ELAPOR2: variants seen among roughly 807,000 people sequenced by gnomAD.
The protein encoded by ELAPOR2 is endosome/lysosome-associated apoptosis and autophagy regulator family member 2.
In ELAPOR2, 89 loss-of-function variants were observed where a neutral mutation model predicts 120.7. The observed-to-expected ratio is 0.74, with a 90% CI of 0.62 to 0.88. The LOEUF is 0.88. ELAPOR2 is among the 40% of genes least tolerant of loss of function. The pLI is 0.00. For missense variants in ELAPOR2, 1,134 were observed against 1,251.6 expected (o/e 0.91, Z 1.42); for synonymous variants, 444 against 444.9 (o/e 1.00, Z 0.03).
At chr7:86,981,389 A>T (rs978223552) in intron 1 of ELAPOR2, among the ~76,000 whole-genome samples, 21 of 152,144 alleles carry the variant, frequency 1.4e-4, no homozygotes, top group Non-Finnish European at 2.8e-4. Flanking sequence ...CACTTCAACT[A>T]ACTGTGATCT....
chr7:86,957,289 T>C (rs776060483), intron 2 of ELAPOR2, among the ~76,000 whole-genome samples: 12 of 152,244 alleles, frequency 7.9e-5, no homozygotes, highest in Non-Finnish European at 1.6e-4. Flanking sequence ...TGTCAATTTG[T>C]CCCTTTATGT....
chr7:87,018,952 T>C (rs1185637070), intron 1 of ELAPOR2, among the ~76,000 whole-genome samples: 1 of 152,128 alleles, frequency 6.6e-6, no homozygotes, highest in Admixed American at 6.5e-5. Flanking sequence ...TTATCAAACA[T>C]ATACACCAAT....
chr7:87,005,084 T>G (rs1793430071), intron 1 of ELAPOR2, among the ~76,000 whole-genome samples: 1 of 152,026 alleles, frequency 6.6e-6, no homozygotes, highest in Non-Finnish European at 1.5e-5. Flanking sequence ...GTCTATGTGC[T>G]AAAAGGTCAG....
chr7:87,011,772 T>C (rs1793688370), intron 1 of ELAPOR2, among the ~76,000 whole-genome samples: 1 of 152,154 alleles, frequency 6.6e-6, no homozygotes, highest in Admixed American at 6.5e-5. Context: ...AAGGTATATT[T>C]ATAGGAGGGG....
chr7:86,913,550 T>G (rs564492108), intron 13 of ELAPOR2, among the ~76,000 whole-genome samples: 5 of 152,318 alleles, frequency 3.3e-5, no homozygotes, highest in Admixed American at 1.3e-4. Flanking sequence ...TCATCATTTA[T>G]TCACATCTTA....
At chr7:87,013,801 T>G (rs1165183506) in intron 1 of ELAPOR2, among the ~76,000 whole-genome samples, 1 of 152,168 alleles carries the variant, frequency 6.6e-6, no homozygotes, top group Non-Finnish European at 1.5e-5. Context: ...TTATTGGTGA[T>G]TCCATATTTG....
At chr7:86,892,825 G>C (rs1445366193) in intron 20 of ELAPOR2, 97 bp downstream of exon 20, 7 of 1,129,550 alleles carry the variant, frequency 6.2e-6, no homozygotes, top group Non-Finnish European at 8.2e-6. Flanking sequence ...TTGTGTCTCT[G>C]AGAGAATCTA....
intron 1 of ELAPOR2, among the ~76,000 whole-genome samples, chr7:86,978,598 C>A (rs1008765588): frequency 6.6e-6 from 1 of 152,152 alleles, no homozygotes; most frequent in African/African-American, 2.4e-5. Context: ...TTCAAGCAGG[C>A]AGATTGTTTA....
intron 2 of ELAPOR2, among the ~76,000 whole-genome samples, chr7:86,959,269 G>A (rs1416494235): frequency 6.6e-6 from 1 of 152,144 alleles, no homozygotes; most frequent in Non-Finnish European, 1.5e-5. Context: ...TCTGCAAACG[G>A]AAATAATTTT....
intron 1 of ELAPOR2, among the ~76,000 whole-genome samples, chr7:87,021,148 CCCAGCCAG>C (rs1794027831): frequency 6.6e-6 from 1 of 152,044 alleles, no homozygotes; most frequent in Non-Finnish European, 1.5e-5. Flanking sequence ...GGGATTTAAA[CCCAGCCAG>C]ACTGAGTTCA....
intron 1 of ELAPOR2, among the ~76,000 whole-genome samples, chr7:86,977,600 A>T (rs1377058273): frequency 6.6e-6 from 1 of 152,194 alleles, no homozygotes; most frequent in Non-Finnish European, 1.5e-5. Flanking sequence ...AATTCTTCAC[A>T]AGTTATCTGT....
At chr7:87,039,088 C>A (rs1038957068) in intron 1 of ELAPOR2, among the ~76,000 whole-genome samples, 9 of 151,828 alleles carry the variant, frequency 5.9e-5, no homozygotes, top group Admixed American at 2.6e-4. Flanking sequence ...GACATTACAA[C>A]TGATACTGCA....
intron 3 of ELAPOR2, 73 bp downstream of exon 3, chr7:86,947,654 T>A (rs1159312033): frequency 7.7e-7 from 1 of 1,291,108 alleles, no homozygotes; most frequent in Non-Finnish European, 1.1e-6. Flanking sequence ...ATCCTCATCT[T>A]CTTTCTGGAA....
At chr7:87,004,167 G>A (rs148434837) in intron 1 of ELAPOR2, among the ~76,000 whole-genome samples, 1,775 of 152,304 alleles carry the variant, frequency 0.012, 22 homozygotes, top group Non-Finnish European at 0.016. Context: ...AGATAATTAA[G>A]TAAAATTGTT....
At chr7:86,956,288 T>C (rs371434614) in intron 2 of ELAPOR2, among the ~76,000 whole-genome samples, 22 of 152,324 alleles carry the variant, frequency 1.4e-4, no homozygotes, top group African/African-American at 5.3e-4. Flanking sequence ...TTTTCATCTT[T>C]CATTTTACAA....
intron 1 of ELAPOR2, among the ~76,000 whole-genome samples, chr7:86,991,371 C>G (rs138942322): frequency 6.6e-6 from 1 of 152,218 alleles, no homozygotes; most frequent in African/African-American, 2.4e-5. Context: ...TCCAAGACAC[C>G]TTGCTCCCAA....
chr7:86,882,211 C>T (rs763266733), intron 21 of ELAPOR2, among the ~76,000 whole-genome samples: 11 of 152,048 alleles, frequency 7.2e-5, no homozygotes, highest in Non-Finnish European at 1.2e-4. Context: ...TGTTAAGCAC[C>T]GTCTCTGTTG....
At chr7:86,936,855 T>C (rs1317649776) in intron 8 of ELAPOR2, among the ~76,000 whole-genome samples, 1 of 152,054 alleles carries the variant, frequency 6.6e-6, no homozygotes, top group Non-Finnish European at 1.5e-5. Flanking sequence ...CATATTTTCA[T>C]TGTAGATAAG....
At chr7:86,943,363 T>G (rs775288275) in intron 4 of ELAPOR2, among the ~76,000 whole-genome samples, 38 of 151,986 alleles carry the variant, frequency 2.5e-4, no homozygotes, top group Non-Finnish European at 2.7e-4. Context: ...AATACTTTGT[T>G]GCTGTCAATT....
Sources: allele counts gnomAD v4.1 joint callset (sites outside exome capture counted in the v4.1 genomes callset), GRCh38; gene constraint gnomAD v4.1.1; transcripts MANE v1.5; gene names NCBI Gene and HGNC (gene_info 2026-07-23, HGNC 2026-07-21).